SLCO4C1: variants seen among roughly 807,000 people sequenced by gnomAD.
SLCO4C1 encodes organic anion transporter M1.
SLCO4C1 carries 58 observed loss-of-function variants against 72.1 expected under a neutral mutation model. The ratio of observed to expected loss-of-function variants is 0.80; its 90% CI spans 0.65 to 1.00. The LOEUF is 1.00. SLCO4C1 is among the 50% of genes least tolerant of loss of function. SLCO4C1 has a pLI of 0.00. For synonymous variants in SLCO4C1, 297 were observed against 312.5 expected, an observed-to-expected ratio of 0.95 and a Z score of 0.52; for missense variants, 898 against 857.9, an observed-to-expected ratio of 1.05 and a Z score of -0.58.
intron 2 of SLCO4C1, among the ~76,000 whole-genome samples, chr5:102,273,696 T>A (rs928730535): frequency 2.6e-5 from 4 of 152,148 alleles, no homozygotes; most frequent in Non-Finnish European, 5.9e-5. Context: ...TGAAAAACAC[T>A]ACTAAAGGGT....
chr5:102,262,728 T>C (rs898949282), intron 4 of SLCO4C1, among the ~76,000 whole-genome samples: 2 of 152,178 alleles, frequency 1.3e-5, no homozygotes, highest in African/African-American at 2.4e-5. Flanking sequence ...TAATACACTT[T>C]GGCCCTTTCC....
chr5:102,237,637 C>A (rs1442045793), intron 12 of SLCO4C1, among the ~76,000 whole-genome samples: 1 of 151,928 alleles, frequency 6.6e-6, no homozygotes, highest in Non-Finnish European at 1.5e-5. Flanking sequence ...AATTCGTTAA[C>A]ACAATATGAT....
At chr5:102,281,720 G>A (rs1454382401) in intron 2 of SLCO4C1, among the ~76,000 whole-genome samples, 7 of 152,164 alleles carry the variant, frequency 4.6e-5, no homozygotes, top group Non-Finnish European at 1.0e-4. Flanking sequence ...AAAACACAAC[G>A]AGATTTCACT....
intron 8 of SLCO4C1, among the ~76,000 whole-genome samples, chr5:102,256,793 A>T (rs1272738162): frequency 6.6e-6 from 1 of 152,172 alleles, no homozygotes; most frequent in African/African-American, 2.4e-5. Context: ...TAAATCAATA[A>T]AAGCATATAA....
intron 9 of SLCO4C1, among the ~76,000 whole-genome samples, chr5:102,247,951 G>C (rs10515323): frequency 0.15 from 17,486 of 119,750 alleles, 1,273 homozygotes; most frequent in Middle Eastern, 0.23. Context: ...TGGTGCTAAA[G>C]CCATTCTAAG....
chr5:102,291,899 G>A (rs767265415), intron 1 of SLCO4C1, among the ~76,000 whole-genome samples: 6 of 151,714 alleles, frequency 4.0e-5, no homozygotes, highest in Admixed American at 3.3e-4. Context: ...TCGGCTCACC[G>A]CCACCTCCAC....
In SLCO4C1 at chr5:102,240,772, G is replaced by C. The variant is rs769679748; in HGVS notation, c.1822C>G (p.His608Asp). Residue 608 changes from histidine (H) to aspartate (D), a missense_variant, in exon 11 of 13, where the codon CAC becomes GAC. Transcript: ENST00000310954. ...ITVSILRCVN[H>D]RQRSLALGIQ... ...CCCAAGGCTAGGGACCGTTGTCTGT[G>C]ATTAACACACCTGGAAATATTAAAT... The C allele has an allele frequency of 3.7e-6, 6 of 1,610,556 alleles. No homozygotes were observed. Among genetic ancestry groups the C allele is most frequent in the East Asian group, 4.5e-5 (2 of 44,714 alleles).
chr5:102,269,343 GCTTT>G (rs1230542611), intron 3 of SLCO4C1, among the ~76,000 whole-genome samples: 5 of 90,362 alleles, frequency 5.5e-5, no homozygotes, highest in Non-Finnish European at 6.4e-5. Flanking sequence ...TGTCACATAA[GCTTT>G]CTTTATTTTT....
intron 7 of SLCO4C1, among the ~76,000 whole-genome samples, chr5:102,257,618 C>CT (rs34481556): frequency 0.01 from 1,499 of 143,194 alleles, 13 homozygotes; most frequent in Non-Finnish European, 0.015. Context: ...GTTTAAGTGT[C>CT]TTTTTTTTTT....
chr5:102,251,503 T>C (rs1229876854), intron 8 of SLCO4C1, among the ~76,000 whole-genome samples: 1 of 151,712 alleles, frequency 6.6e-6, no homozygotes, highest in Non-Finnish European at 1.5e-5. Flanking sequence ...GGCAGAAAAA[T>C]CACTTGAGCC....
chr5:102,256,008 C>A (rs1580247430), intron 8 of SLCO4C1, among the ~76,000 whole-genome samples: 2 of 152,216 alleles, frequency 1.3e-5, no homozygotes, highest in African/African-American at 2.4e-5. Context: ...AAGTTTGAGA[C>A]CAACCTGGCC....
chr5:102,277,168 A>T (rs1264863174), intron 2 of SLCO4C1, among the ~76,000 whole-genome samples: 1 of 152,180 alleles, frequency 6.6e-6, no homozygotes, highest in Non-Finnish European at 1.5e-5. Flanking sequence ...CAGCTTGGCA[A>T]GGCAGAAAAA....
Position 102,291,609 on chromosome 5 carries a change from AAAAAACAG to A in SLCO4C1, c.356-11_356-4del. Reference sequence around the variant, plus strand: ...TACTAGGCCATTAACTACAATACCTAAAAAACAGAAAAGTTGATGTGCATCATTAATAT... The same window carrying A: ...TACTAGGCCATTAACTACAATACCTAAAAAGTTGATGTGCATCATTAATAT... On this transcript the variant is annotated splice_region_variant and splice_polypyrimidine_tract_variant and intron_variant, in intron 1 of 12. Transcript: ENST00000310954. 6.3e-7 allele frequency: 1 copy of A among 1,594,532 alleles called. No individual in the cohort carries two copies. The highest frequency in any genetic ancestry group is 8.5e-7 in the Non-Finnish European group (1 of 1,170,076).
intron 2 of SLCO4C1, among the ~76,000 whole-genome samples, chr5:102,288,162 C>A (rs1034386792): frequency 6.6e-6 from 1 of 152,148 alleles, no homozygotes; most frequent in Non-Finnish European, 1.5e-5. Context: ...TTCTAGGAAT[C>A]AAACCAAGTG....
intron 2 of SLCO4C1, among the ~76,000 whole-genome samples, chr5:102,278,026 A>G (rs192113946): frequency 3.6e-4 from 55 of 152,266 alleles, no homozygotes; most frequent in Admixed American, 2.9e-3. Flanking sequence ...TAGTATTTAC[A>G]TTACATGTAA....
Position 102,239,361 on chromosome 5 carries a change from C to T in SLCO4C1, c.1904G>A (p.Gly635Asp), listed in dbSNP as rs1210470595. 2 of 1,590,280 alleles carry T rather than the reference C, an allele frequency of 1.3e-6. No individual in the cohort carries two copies. The highest frequency in any genetic ancestry group is 1.8e-5 in the Admixed American group (1 of 56,910). ...AATACATGTGCTGTCTATTGTGAAACCAAATATAATTGGTCCAGGAATTGT... is the reference window on the plus strand; with the variant it reads ...AATACATGTGCTGTCTATTGTGAAATCAAATATAATTGGTCCAGGAATTGT... ...LGTIPGPIIF[G>D]FTIDSTCILW... is the part of the protein sequence containing the mutation. Residue 635 changes from glycine to aspartate, a missense_variant, in exon 12 of 13, where the codon GGT (glycine) becomes GAT (aspartate). Transcript: ENST00000310954.
chr5:102,237,987 G>A (rs866514200), intron 12 of SLCO4C1, among the ~76,000 whole-genome samples: 12 of 152,084 alleles, frequency 7.9e-5, no homozygotes, highest in Non-Finnish European at 1.5e-5. Flanking sequence ...TAAATTCAAC[G>A]TGGTCTCACA....
intron 2 of SLCO4C1, among the ~76,000 whole-genome samples, chr5:102,275,620 G>C (rs980104264): frequency 6.6e-6 from 1 of 152,068 alleles, no homozygotes; most frequent in African/African-American, 2.4e-5. Context: ...CTTCTTTGTA[G>C]AGAACACCAG....
At chr5:102,282,271 T>C (rs1055460761) in intron 2 of SLCO4C1, among the ~76,000 whole-genome samples, 3 of 152,070 alleles carry the variant, frequency 2.0e-5, no homozygotes, top group African/African-American at 7.2e-5. Context: ...TCTATGAGAA[T>C]GTTTAAAATG....
Sources: gnomAD v4.1 joint callset for allele counts (sites outside exome capture counted in the v4.1 genomes callset) on GRCh38, gnomAD v4.1.1 for gene constraint, MANE v1.5 for transcripts, NCBI Gene and HGNC (gene_info 2026-07-23, HGNC 2026-07-21) for gene names.